ZNF385D: variants seen among roughly 807,000 people sequenced by gnomAD.
The protein encoded by ZNF385D is zinc finger protein 659.
A neutral mutation model predicts 35.8 loss-of-function variants in ZNF385D; 15 were observed. That is an observed-to-expected ratio of 0.42 (90% CI 0.28 to 0.64). ZNF385D has a LOEUF of 0.64. Among genes scored for constraint, ZNF385D ranks in the 30% least tolerant of loss-of-function variants. ZNF385D has a pLI of 0.23. For synonymous variants in ZNF385D, 212 were observed against 186.8 expected (o/e 1.13, Z -1.10); for missense variants, 474 against 494.6 (o/e 0.96, Z 0.39).
chr3:21,536,544 C>G (rs1298949437), intron 3 of ZNF385D, among the ~76,000 whole-genome samples: 1 of 152,000 alleles, frequency 6.6e-6, no homozygotes, highest in Non-Finnish European at 1.5e-5. Flanking sequence ...TGGCAAGCAT[C>G]ATGATATTTA....
intron 3 of ZNF385D, among the ~76,000 whole-genome samples, chr3:21,899,467 A>G (rs576595458): frequency 4.6e-5 from 7 of 152,246 alleles, no homozygotes; most frequent in African/African-American, 1.4e-4. Flanking sequence ...ATTCCCAGAC[A>G]TTCTAATTCA....
intron 2 of ZNF385D, among the ~76,000 whole-genome samples, chr3:22,314,777 T>G (rs1482365354): frequency 6.6e-6 from 1 of 152,154 alleles, no homozygotes; most frequent in Non-Finnish European, 1.5e-5. Context: ...TTAATTGCAT[T>G]TTATCTTTAT....
At chr3:22,171,170 C>T (rs112214229) in intron 2 of ZNF385D, among the ~76,000 whole-genome samples, 134 of 152,238 alleles carry the variant, frequency 8.8e-4, no homozygotes, top group Middle Eastern at 3.4e-3. Flanking sequence ...TTTCCTCCAG[C>T]GTGAACAGCT....
chr3:21,764,446 G>C (rs1156744253), intron 3 of ZNF385D, among the ~76,000 whole-genome samples: 1 of 152,128 alleles, frequency 6.6e-6, no homozygotes, highest in Non-Finnish European at 1.5e-5. Context: ...GTATAACCAG[G>C]TGATTTTCAG....
chr3:21,489,582 C>T (rs1466228815), intron 4 of ZNF385D, among the ~76,000 whole-genome samples: 1 of 152,138 alleles, frequency 6.6e-6, no homozygotes, highest in African/African-American at 2.4e-5. Flanking sequence ...TATTTTTAGA[C>T]ATGTGATGTC....
chr3:21,874,424 G>T (rs1191978155), intron 3 of ZNF385D, among the ~76,000 whole-genome samples: 3 of 151,932 alleles, frequency 2.0e-5, no homozygotes, highest in East Asian at 1.9e-4. Context: ...CAAATATATG[G>T]TTTGCAAATA....
At chr3:21,531,631 G>A (rs926992817) in intron 3 of ZNF385D, among the ~76,000 whole-genome samples, 9 of 152,102 alleles carry the variant, frequency 5.9e-5, no homozygotes, top group Admixed American at 1.3e-4. Context: ...TTACTAAGTC[G>A]AAGAAGCCAA....
At chr3:21,969,069 CA>C (rs541867581) in intron 3 of ZNF385D, among the ~76,000 whole-genome samples, 100 of 152,236 alleles carry the variant, frequency 6.6e-4, no homozygotes, top group Middle Eastern at 3.4e-3. Context: ...ACATTAATAA[CA>C]GCCAGCAGTA....
intron 3 of ZNF385D, among the ~76,000 whole-genome samples, chr3:21,818,395 T>C (rs2073248631): frequency 6.6e-6 from 1 of 152,222 alleles, no homozygotes. Flanking sequence ...TGCAACTTGA[T>C]TTAAATAATC....
intron 1 of ZNF385D, among the ~76,000 whole-genome samples, chr3:21,732,210 C>T (rs944222478): frequency 4.6e-5 from 7 of 151,598 alleles, no homozygotes; most frequent in South Asian, 2.1e-4. Context: ...CCACCACACC[C>T]GGCTAATTTT....
At chr3:21,736,466 GA>G (rs1283217236) in intron 1 of ZNF385D, among the ~76,000 whole-genome samples, 2 of 152,170 alleles carry the variant, frequency 1.3e-5, no homozygotes, top group African/African-American at 4.8e-5. Context: ...ACTGTTTAAA[GA>G]AAATTTCTAA....
intron 3 of ZNF385D, among the ~76,000 whole-genome samples, chr3:21,840,798 C>T (rs1483172808): frequency 6.7e-6 from 1 of 148,230 alleles, no homozygotes; most frequent in East Asian, 1.9e-4. Flanking sequence ...ATAAATTACC[C>T]CCTTATGTCA....
chr3:21,752,007 A>AAC (rs143047740), upstream of ZNF385D, among the ~76,000 whole-genome samples: 5 of 88,586 alleles, frequency 5.6e-5, no homozygotes, highest in Admixed American at 1.3e-4. Flanking sequence ...ACACACACCC[A>AAC]CCCCCCTCCC....
At chr3:21,739,335 G>A (rs377175698) in intron 1 of ZNF385D, among the ~76,000 whole-genome samples, 2 of 152,128 alleles carry the variant, frequency 1.3e-5, no homozygotes, top group East Asian at 3.8e-4. Context: ...TTCTCTCCAC[G>A]GACATTTTTA....
At chr3:21,433,724 A>G (rs1701411611) in intron 5 of ZNF385D, among the ~76,000 whole-genome samples, 1 of 152,222 alleles carries the variant, frequency 6.6e-6, no homozygotes, top group South Asian at 2.1e-4. Flanking sequence ...TACCAGCACT[A>G]TGATCTGGCA....
chr3:22,031,904 G>C (rs529557916), intron 3 of ZNF385D, among the ~76,000 whole-genome samples: 40 of 152,240 alleles, frequency 2.6e-4, no homozygotes, highest in African/African-American at 8.9e-4. Flanking sequence ...GAATCAGCTA[G>C]GCCATATCTT....
intron 4 of ZNF385D, among the ~76,000 whole-genome samples, chr3:21,504,768 G>A (rs1706649906): frequency 6.6e-6 from 1 of 152,124 alleles, no homozygotes; most frequent in African/African-American, 2.4e-5. Context: ...GGAAAATATT[G>A]CAGGAAAGCC....
At chr3:22,359,029 C>T (rs1696284846) in intron 2 of ZNF385D, among the ~76,000 whole-genome samples, 1 of 149,366 alleles carries the variant, frequency 6.7e-6, no homozygotes, top group African/African-American at 2.5e-5. Context: ...AGTATACTGC[C>T]TTGACTACCC....
At chr3:21,960,356 C>T (rs911550732) in intron 3 of ZNF385D, among the ~76,000 whole-genome samples, 2 of 151,986 alleles carry the variant, frequency 1.3e-5, no homozygotes, top group African/African-American at 4.8e-5. Context: ...CACTAATCAT[C>T]GGGGAAATAC....
Sources: gnomAD v4.1 joint callset for allele counts (sites outside exome capture counted in the v4.1 genomes callset) on GRCh38, gnomAD v4.1.1 for gene constraint, MANE v1.5 for transcripts, NCBI Gene and HGNC (gene_info 2026-07-23, HGNC 2026-07-21) for gene names.